ASS1: variants seen among roughly 807,000 people sequenced by gnomAD.
The protein encoded by ASS1 is argininosuccinate synthase 1, also known as argininosuccinate synthase.
ASS1 carries 58 observed loss-of-function variants against 60.5 expected under a neutral mutation model. The ratio of observed to expected loss-of-function variants is 0.96; its 90% CI spans 0.78 to 1.19. ASS1 has a LOEUF of 1.19. Among genes scored for constraint, ASS1 ranks in the 50% most tolerant of loss-of-function variants. The pLI is 0.00. For missense variants in ASS1, 454 were observed against 547.3 expected (o/e 0.83, Z 1.70); for synonymous variants, 200 against 206.9 (o/e 0.97, Z 0.29).
intron 2 of ASS1, among the ~76,000 whole-genome samples, chr9:130,452,580 G>A (rs745487932): frequency 1.3e-5 from 2 of 152,206 alleles, no homozygotes; most frequent in East Asian, 3.8e-4. Flanking sequence ...ATGGAGGCGC[G>A]GGGAGGGCAC....
intron 4 of ASS1, among the ~76,000 whole-genome samples, chr9:130,462,541 G>T (rs576423786): frequency 6.6e-6 from 1 of 152,154 alleles, no homozygotes; most frequent in Non-Finnish European, 1.5e-5. Context: ...ATGGGTGTCC[G>T]CATGGCAGCA....
chr9:130,495,470 T>TACACACACAC (rs777921061), intron 13 of ASS1, among the ~76,000 whole-genome samples: 13,104 of 130,228 alleles, frequency 0.1, 748 homozygotes, highest in South Asian at 0.19. Flanking sequence ...TACACATACA[T>TACACACACAC]ATACACACAC....
rs1471897491 is a variant in ASS1, at chr9:130,489,879, T to C, written c.970+415T>C. Reference sequence around the variant, plus strand: ...GAAACTGAGGCTCAGAAGGAAAGCATAAAACCAGAAGTGGCCTAGCTGGGT... The same window carrying C: ...GAAACTGAGGCTCAGAAGGAAAGCACAAAACCAGAAGTGGCCTAGCTGGGT... On this transcript the variant is annotated intron_variant, in intron 12 of 14. Coordinates refer to ENST00000352480, the MANE Select transcript of ASS1 (RefSeq NM_054012.4). The surrounding 1 kb of genome is among the most constrained non-coding windows in gnomAD (Gnocchi z 4.1). 2.0e-5 allele frequency among the ~76,000 whole-genome samples: 3 copies of C among 152,218 alleles called. No homozygotes were observed. Among genetic ancestry groups the C allele is most frequent in the African/African-American group, 7.2e-5 (3 of 41,464 alleles).
At chr9:130,483,178 A>G (rs1265565064) in intron 11 of ASS1, among the ~76,000 whole-genome samples, 5 of 152,130 alleles carry the variant, frequency 3.3e-5, no homozygotes. Context: ...CCCCCATGAC[A>G]AGGTTTTTAT....
Position 130,480,458 on chromosome 9 carries a change from G to A in ASS1, c.838+9G>A, listed in dbSNP as rs760468184. 10 of 1,613,676 alleles carry A rather than the reference G, an allele frequency of 6.2e-6. No homozygotes were observed. The highest frequency in any genetic ancestry group is 1.3e-5 in the African/African-American group (1 of 74,948). ...TGGAATGAAGTCCCGAGGTGAGTCT[G>A]CTCAGCCTCCCTCAGGGCCTGCCTC... On this transcript the variant is annotated intron_variant, in intron 11 of 14. Transcript: ENST00000352480.
Position 130,471,531 on chromosome 9 carries a change from C to A in ASS1, c.597+16C>A, listed in dbSNP as rs1404928668. 6.2e-7 allele frequency: 1 copy of A among 1,611,966 alleles called. No homozygotes were observed. Among genetic ancestry groups the A allele is most frequent in the African/African-American group, 1.3e-5 (1 of 74,918 alleles). On this transcript the variant is annotated intron_variant, in intron 8 of 14. Transcript: ENST00000352480. ...GAACCCCAAGGTAATCCCCCAAACC[C>A]CATCTCCTCCCAGCTGGCCACCTTT...
chr9:130,476,956 A>G lies in ASS1; in HGVS notation c.683A>G (p.Lys228Arg). Residue 228 changes from lysine (K) to arginine (R), a missense_variant, in exon 9 of 15, where the codon AAA becomes AGA. By Grantham distance (26) the Lys-to-Arg change is conservative. Coordinates refer to ENST00000352480, the MANE Select transcript of ASS1 (RefSeq NM_054012.4). This position sits in a 1 kb window ranked among gnomAD's most constrained non-coding sequence, Gnocchi z 4.9. The stretch of plus-strand genomic sequence containing the variant: ...CCTGACATTCTCGAGATCGAGTTCA[A>G]AAAAGGTATGTGCCCACCTGTTGGG... Reference protein sequence around the residue: ...NTPDILEIEFKKGVPVKVTNV... With the variant: ...NTPDILEIEFRKGVPVKVTNV... 1 of 1,613,976 alleles carries G rather than the reference A, an allele frequency of 6.2e-7. No homozygotes were observed. The highest frequency in any genetic ancestry group is 8.5e-7 in the Non-Finnish European group (1 of 1,179,906).
At chr9:130,484,442 C>T (rs1018420830) in intron 11 of ASS1, among the ~76,000 whole-genome samples, 1 of 152,076 alleles carries the variant, frequency 6.6e-6, no homozygotes, top group African/African-American at 2.4e-5. Flanking sequence ...TGCCCGTCTC[C>T]CCACTCCCCG....
chr9:130,460,136 C>G (rs1464425527), intron 4 of ASS1, among the ~76,000 whole-genome samples: 2 of 152,232 alleles, frequency 1.3e-5, no homozygotes, highest in African/African-American at 4.8e-5. Context: ...CCGGGCTGGT[C>G]AGGGTGCTGA....
intron 5 of ASS1, among the ~76,000 whole-genome samples, chr9:130,466,193 A>C (rs1749307953): frequency 6.6e-6 from 1 of 152,196 alleles, no homozygotes; most frequent in Non-Finnish European, 1.5e-5. Context: ...TTACCAGCTC[A>C]GGCCGAGGGG....
chr9:130,498,272 C>CGA (rs1296538291), intron 13 of ASS1, among the ~76,000 whole-genome samples: 2 of 152,158 alleles, frequency 1.3e-5, no homozygotes, highest in Non-Finnish European at 2.9e-5. Flanking sequence ...ACCCCTACCT[C>CGA]GAGAACCTTG....
chr9:130,494,727 C>A lies in ASS1; in HGVS notation c.971-140C>A. 1 of 1,122,200 alleles carries A rather than the reference C, an allele frequency of 8.9e-7. No homozygotes were observed. The highest frequency in any genetic ancestry group is 1.3e-6 in the Non-Finnish European group (1 of 759,826). 69.5% of individuals were successfully genotyped at this position (1,122,200 alleles called of 1,614,324 possible). A position where few individuals can be genotyped will look rare whatever the true frequency, so the allele number is the denominator to read the frequency against. ...CTCAACTCAGCCACTGGCAAGCGCACATTGTGCCAGTCTCGCGGGAGGCAG... is the reference window on the plus strand; with the variant it reads ...CTCAACTCAGCCACTGGCAAGCGCAAATTGTGCCAGTCTCGCGGGAGGCAG... On this transcript the variant is annotated intron_variant, in intron 12 of 14. Coordinates refer to ENST00000352480, the MANE Select transcript of ASS1 (RefSeq NM_054012.4). This position sits in a 1 kb window ranked among gnomAD's most constrained non-coding sequence, Gnocchi z 4.3.
intron 1 of ASS1, among the ~76,000 whole-genome samples, chr9:130,447,726 G>A (rs981892276): frequency 1.3e-5 from 2 of 152,202 alleles, no homozygotes; most frequent in Non-Finnish European, 2.9e-5. Flanking sequence ...CCTGCCAGGC[G>A]CAGCTCCCAG....
Position 130,464,198 on chromosome 9 carries a change from G to T in ASS1, c.420+31G>T, listed in dbSNP as rs566144344. The T allele has an allele frequency of 1.9e-6, 3 of 1,608,634 alleles. No homozygotes were observed. In the African/African-American group the frequency reaches 4.0e-5, roughly 21 times the overall value. On this transcript the variant is annotated intron_variant, in intron 5 of 14. Transcript: ENST00000352480. ...ATGTGGCTCCTCCCCTTAGCAGGGA[G>T]CACTAGCATCTGCAGCACCTGATGG...
Position 130,460,599 on chromosome 9 carries a change from G to A in ASS1, c.363+2010G>A, listed in dbSNP as rs934999204. ...AGGCAGAGGGAACAGCCTGTGGAAA[G>A]GCTTAGAGCCAAGAGGCCCTGAAGG... is the stretch of plus-strand genomic sequence containing the variant. On this transcript the variant is annotated intron_variant, in intron 4 of 14. Transcript: ENST00000352480. 4.6e-4 allele frequency among the ~76,000 whole-genome samples: 70 copies of A among 152,274 alleles called. 1 individual carries two copies. The highest frequency in any genetic ancestry group is 1.3e-3 in the African/African-American group (53 of 41,552).
In ASS1 at chr9:130,496,593, TAAAAAAA is replaced by T. The variant is rs56807719; in HGVS notation, c.1127+1588_1127+1594del. On this transcript the variant is annotated intron_variant, in intron 13 of 14. Coordinates refer to ENST00000352480, the MANE Select transcript of ASS1 (RefSeq NM_054012.4). The stretch of plus-strand genomic sequence containing the variant: ...GTAACAAAGCTAGGCACTGTCTCTT[TAAAAAAA>T]AAAAAAAAAAAAAAAAAGGAAACAC... Among the ~76,000 whole-genome samples, 171 of 105,962 alleles carry T rather than the reference TAAAAAAA, an allele frequency of 1.6e-3. 1 individual carries two copies. The highest frequency in any genetic ancestry group is 4.5e-3 in the African/African-American group (125 of 28,026). 69.5% of individuals were successfully genotyped at this position (105,962 alleles called of 152,430 possible). A position where few individuals can be genotyped will look rare whatever the true frequency, so the allele number is the denominator to read the frequency against.
At chr9:130,457,167 C>T (rs1354750219) in intron 3 of ASS1, among the ~76,000 whole-genome samples, 1 of 152,292 alleles carries the variant, frequency 6.6e-6, no homozygotes, top group African/African-American at 2.4e-5. Context: ...ACTCTTGTAG[C>T]GGTTTTCTGC....
intron 11 of ASS1, among the ~76,000 whole-genome samples, chr9:130,486,256 T>C (rs1301740173): frequency 6.6e-6 from 1 of 152,118 alleles, no homozygotes; most frequent in East Asian, 1.9e-4. Flanking sequence ...CACGCCCAGC[T>C]AATTTTTTTA....
At chr9:130,486,996 C>G (rs1050611097) in intron 11 of ASS1, among the ~76,000 whole-genome samples, 1 of 149,960 alleles carries the variant, frequency 6.7e-6, no homozygotes, top group African/African-American at 2.5e-5. Flanking sequence ...CGGGGCCGGG[C>G]CCATTCCCCC....
Sources: allele counts gnomAD v4.1 joint callset (sites outside exome capture counted in the v4.1 genomes callset), GRCh38; gene constraint gnomAD v4.1.1; non-coding constraint Gnocchi (gnomAD v3.1); transcripts MANE v1.5; gene names NCBI Gene and HGNC (gene_info 2026-07-23, HGNC 2026-07-21).